Variants in ABI2 observed in about 807,000 individuals in gnomAD.
ABI2 encodes the protein abl interactor 2, also known as abelson interactor 2.
A neutral mutation model predicts 59.2 loss-of-function variants in ABI2; 25 were observed. The observed-to-expected ratio is 0.42, with a 90% CI of 0.31 to 0.59. ABI2 has a LOEUF of 0.59. Ranked by LOEUF, ABI2 falls within the 20% of genes least tolerant of loss-of-function variation. The pLI, the probability that ABI2 is intolerant of heterozygous loss-of-function variation, is 0.14. For missense variants in ABI2, 545 were observed against 681.8 expected (o/e 0.80, Z 2.23); for synonymous variants, 213 against 235.5 (o/e 0.90, Z 0.87).
chr2:203,380,090 T>C, intron 2 of ABI2, 118 bp from the exon 3 acceptor site: 1 of 632,336 alleles, frequency 1.6e-6, no homozygotes. Flanking sequence ...AATAAAAATT[T>C]AGCAAGCATA....
At chr2:203,381,981 G>GT (rs1256324936) in intron 3 of ABI2, among the ~76,000 whole-genome samples, 1 of 152,166 alleles carries the variant, frequency 6.6e-6, no homozygotes, top group African/African-American at 2.4e-5. Context: ...GAATAAAACA[G>GT]TATCTTAAAT....
chr2:203,328,896 C>CGGG, intron 1 of ABI2: 1 of 285,696 alleles, frequency 3.5e-6, no homozygotes, highest in Non-Finnish European at 6.5e-6. Flanking sequence ...CTCCCGCCCT[C>CGGG]GGCCGCCCCC....
intron 2 of ABI2, among the ~76,000 whole-genome samples, chr2:203,375,536 G>C (rs956233395): frequency 2.0e-5 from 3 of 152,080 alleles, no homozygotes; most frequent in Admixed American, 2.0e-4. Context: ...TAATGTCAAA[G>C]AATATCATGA....
chr2:203,350,389 C>T (rs1460715481), intron 1 of ABI2, among the ~76,000 whole-genome samples: 3 of 152,110 alleles, frequency 2.0e-5, no homozygotes, highest in Admixed American at 1.3e-4. Context: ...GTCTCTGTCG[C>T]CCAGGCTGGA....
intron 11 of ABI2, among the ~76,000 whole-genome samples, chr2:203,421,121 A>G (rs569436858): frequency 1.3e-5 from 2 of 152,282 alleles, no homozygotes; most frequent in South Asian, 2.1e-4. Flanking sequence ...AAGGTTAATG[A>G]TAATATCCAT....
chr2:203,355,255 C>G, intron 1 of ABI2: 1 of 339,942 alleles, frequency 2.9e-6, no homozygotes, highest in South Asian at 2.4e-5. Context: ...TCCTGTAATC[C>G]TAGCACTTTG....
chr2:203,331,873 G>C (rs1179507561), intron 1 of ABI2, among the ~76,000 whole-genome samples: 2 of 146,938 alleles, frequency 1.4e-5, no homozygotes, highest in Non-Finnish European at 3.0e-5. Flanking sequence ...GCAGTGGCGC[G>C]ATCTCAGCTC....
chr2:203,362,067 A>G (rs1175552863), intron 1 of ABI2, among the ~76,000 whole-genome samples: 1 of 152,170 alleles, frequency 6.6e-6, no homozygotes, highest in Non-Finnish European at 1.5e-5. Flanking sequence ...CAGCATAGTA[A>G]TATATTTCTA....
intron 1 of ABI2, among the ~76,000 whole-genome samples, chr2:203,347,555 A>G (rs573897012): frequency 6.6e-6 from 1 of 152,344 alleles, no homozygotes; most frequent in African/African-American, 2.4e-5. Context: ...GGCGTTTATC[A>G]ATCTCCACCA....
At chr2:203,411,106 C>T (rs2097655663) in intron 9 of ABI2, among the ~76,000 whole-genome samples, 179 bp from the exon 10 acceptor site, 1 of 151,792 alleles carries the variant, frequency 6.6e-6, no homozygotes, top group Non-Finnish European at 1.5e-5. Context: ...CTAAAAATTC[C>T]CCCAGTACTT....
At chr2:203,367,092 TAAACAC>T in intron 2 of ABI2, 48 bp downstream of exon 2, 1 of 1,555,782 alleles carries the variant, frequency 6.4e-7, no homozygotes, top group Non-Finnish European at 8.7e-7. Context: ...CCCTTAATAA[TAAACAC>T]AGGCTATCTG....
intron 10 of ABI2, among the ~76,000 whole-genome samples, chr2:203,414,759 T>C (rs562556420): frequency 6.6e-6 from 1 of 152,334 alleles, no homozygotes; most frequent in South Asian, 2.1e-4. Flanking sequence ...TTTAAGATAA[T>C]AGGCATTGGA....
intron 2 of ABI2, among the ~76,000 whole-genome samples, chr2:203,370,543 C>T (rs1308305361): frequency 5.3e-5 from 8 of 152,150 alleles, no homozygotes; most frequent in Admixed American, 3.3e-4. Flanking sequence ...AAGCAGGCAG[C>T]GGGCCACATT....
intron 2 of ABI2, chr2:203,367,336 TA>T (rs1013015929): frequency 2.0e-5 from 4 of 203,390 alleles, no homozygotes; most frequent in East Asian, 1.2e-4. Context: ...TTTTTTTTTT[TA>T]AAACAAATTT....
intron 4 of ABI2, among the ~76,000 whole-genome samples, chr2:203,390,779 T>C (rs938742208): frequency 3.9e-5 from 6 of 152,244 alleles, no homozygotes; most frequent in Non-Finnish European, 7.3e-5. Context: ...ATCTAACCAG[T>C]GATCTGTTGG....
At position 203,396,862 on chromosome 2, in the gene ABI2, G is replaced by C; in HGVS notation, c.928G>C (p.Val310Leu). 6.5e-7 allele frequency: 1 copy of C among 1,534,584 alleles called. No individual in the cohort carries two copies. Among genetic ancestry groups the C allele is most frequent in the South Asian group, 1.2e-5 (1 of 83,816 alleles). ...SAPAPLVPAT[V>L]PSSTAPDAAA... is the part of the protein sequence containing the mutation. Reference sequence around the variant, plus strand: ...CCCTGCTCCTCTTGTTCCTGCTACTGTCCCTTCCTCCACTGCCCCAGACGC... The same window carrying C: ...CCCTGCTCCTCTTGTTCCTGCTACTCTCCCTTCCTCCACTGCCCCAGACGC... Residue 310 changes from valine to leucine, a missense_variant, in exon 8 of 12, where the codon GTC becomes CTC. Val to Leu is a conservative substitution (Grantham distance 32, BLOSUM62 1). This residue lies in a region of ABI2 where 410 missense variants were observed against 435.6 expected (regional missense o/e 0.94). Transcript: ENST00000261018.
At chr2:203,379,422 A>G (rs1057179006) in intron 2 of ABI2, among the ~76,000 whole-genome samples, 2 of 152,046 alleles carry the variant, frequency 1.3e-5, no homozygotes, top group African/African-American at 4.8e-5. Context: ...TACTTTTTGT[A>G]GAGACGGGGT....
chr2:203,391,219 T>C (rs1385875100), intron 5 of ABI2, 76 bp downstream of exon 5: 1 of 1,040,600 alleles, frequency 9.6e-7, no homozygotes, highest in Non-Finnish European at 1.3e-6. Flanking sequence ...ATTTAAATTA[T>C]TTTTTGAATA....
intron 6 of ABI2, 138 bp downstream of exon 6, chr2:203,394,984 C>G: frequency 1.1e-6 from 1 of 939,308 alleles, no homozygotes; most frequent in Non-Finnish European, 1.7e-6. Context: ...CTGATTTCAC[C>G]TCTCTCTCCT....
Sources: allele counts gnomAD v4.1 joint callset (sites outside exome capture counted in the v4.1 genomes callset), GRCh38; gene constraint gnomAD v4.1.1; regional missense constraint gnomAD v4.1.1; transcripts MANE v1.5; gene names NCBI Gene and HGNC (gene_info 2026-07-23, HGNC 2026-07-21).